TLK1: variants seen among roughly 807,000 people sequenced by gnomAD.
The protein encoded by TLK1 is tousled like kinase 1.
In TLK1, 24 loss-of-function variants were observed where a neutral mutation model predicts 105.3. That is an observed-to-expected ratio of 0.23 (90% CI 0.17 to 0.32). The LOEUF is 0.32. Among genes scored for constraint, TLK1 ranks in the 10% least tolerant of loss-of-function variants. The pLI, the probability that TLK1 is intolerant of heterozygous loss-of-function variation, is 1.00. For synonymous variants in TLK1, 321 were observed against 310.4 expected, an observed-to-expected ratio of 1.03 and a Z score of -0.36; for missense variants, 558 against 910.5, an observed-to-expected ratio of 0.61 and a Z score of 4.98.
intron 1 of TLK1, among the ~76,000 whole-genome samples, chr2:171,211,503 C>T (rs1693611750): frequency 6.6e-6 from 1 of 151,790 alleles, no homozygotes; most frequent in African/African-American, 2.4e-5. Flanking sequence ...CTATTTTGCA[C>T]AGACTACACT....
chr2:171,033,897 A>C (rs1358263631), intron 11 of TLK1, among the ~76,000 whole-genome samples: 1 of 151,074 alleles, frequency 6.6e-6, no homozygotes, highest in African/African-American at 2.4e-5. Flanking sequence ...TTTTTTAAAA[A>C]AAAAAAAAAA....
intron 12 of TLK1, among the ~76,000 whole-genome samples, chr2:171,026,891 C>CA: frequency 6.6e-6 from 1 of 152,132 alleles, no homozygotes; most frequent in South Asian, 2.1e-4. Context: ...AACTAAGTCT[C>CA]AAAGCGCAGG....
chr2:171,223,877 T>G (rs774233603), intron 1 of TLK1, among the ~76,000 whole-genome samples: 7 of 151,942 alleles, frequency 4.6e-5, no homozygotes, highest in Non-Finnish European at 1.0e-4. Context: ...AGATGGGTAG[T>G]TATATGTTTT....
chr2:171,099,167 G>T (rs1689583080), intron 2 of TLK1, among the ~76,000 whole-genome samples: 2 of 152,134 alleles, frequency 1.3e-5, no homozygotes. Context: ...CAGAAAGGTT[G>T]CAAGACACAA....
intron 1 of TLK1, among the ~76,000 whole-genome samples, chr2:171,217,870 G>A (rs939439430): frequency 6.6e-6 from 1 of 152,204 alleles, no homozygotes; most frequent in African/African-American, 2.4e-5. Flanking sequence ...AATATTTAAA[G>A]TTGTATGAAC....
intron 3 of TLK1, among the ~76,000 whole-genome samples, chr2:171,079,403 G>A (rs1688651086): frequency 6.6e-6 from 1 of 152,222 alleles, no homozygotes; most frequent in Non-Finnish European, 1.5e-5. Context: ...TCATGAGGCA[G>A]ACTGTCTAAA....
At chr2:171,161,301 ATGC>A (rs1575641509), upstream of TLK1, among the ~76,000 whole-genome samples, 1 of 151,848 alleles carries the variant, frequency 6.6e-6, no homozygotes, top group Admixed American at 6.6e-5. Context: ...ACGGGGAGAA[ATGC>A]TGCTGCTCTC....
intron 1 of TLK1, among the ~76,000 whole-genome samples, chr2:171,121,123 G>C (rs1436795584): frequency 1.3e-5 from 2 of 152,146 alleles, no homozygotes; most frequent in Non-Finnish European, 2.9e-5. Context: ...GAGGAAGACA[G>C]AAAATTTCTA....
Position 171,223,034 on chromosome 2 carries a change from C to T in TLK1, c.-6+8111G>A, listed in dbSNP as rs890421466. ...TTCACCATATTAGCCAGGCTCATTT[C>T]GAACTCCTGACCTCAAATGATCTGC... On this transcript the variant is annotated intron_variant, in intron 1 of 20. Transcript: ENST00000521943. Among the ~76,000 whole-genome samples, 9 of 151,988 alleles carry T rather than the reference C, an allele frequency of 5.9e-5. 1 individual carries two copies. The South Asian group carries it at 1.0e-3, about 18-fold the overall frequency.
chr2:171,152,128 CT>C (rs1005357163), intron 1 of TLK1, among the ~76,000 whole-genome samples: 1 of 152,076 alleles, frequency 6.6e-6, no homozygotes. Context: ...GAATTTAAAC[CT>C]AGTAGTTTAT....
At chr2:171,229,944 C>T (rs571301394) in intron 1 of TLK1, among the ~76,000 whole-genome samples, 1 of 152,276 alleles carries the variant, frequency 6.6e-6, no homozygotes, top group South Asian at 2.1e-4. Flanking sequence ...TTAGGTTCCA[C>T]CCATGTTTGT....
At chr2:171,190,688 T>C (rs1693129195) in intron 1 of TLK1, among the ~76,000 whole-genome samples, 1 of 152,218 alleles carries the variant, frequency 6.6e-6, no homozygotes, top group Non-Finnish European at 1.5e-5. Flanking sequence ...GTGAAATCTT[T>C]ATAAAGAGGC....
At chr2:171,198,346 C>T (rs543099168) in intron 1 of TLK1, among the ~76,000 whole-genome samples, 1 of 152,304 alleles carries the variant, frequency 6.6e-6, no homozygotes, top group East Asian at 1.9e-4. Flanking sequence ...AGCTTTTCTG[C>T]TCAGAGGCAT....
At chr2:171,028,447 A>G (rs1252555047) in intron 11 of TLK1, 42 bp from the exon 12 acceptor site, 1 of 1,315,686 alleles carries the variant, frequency 7.6e-7, no homozygotes, top group African/African-American at 1.5e-5. Flanking sequence ...TGAGATTAAT[A>G]CTTAGTTTAT....
chr2:171,006,099 C>A, intron 18 of TLK1, 48 bp downstream of exon 18: 3 of 1,446,628 alleles, frequency 2.1e-6, no homozygotes, highest in South Asian at 1.7e-5. Flanking sequence ...ATTATAAAAG[C>A]ACTGGGCACC....
intron 11 of TLK1, among the ~76,000 whole-genome samples, chr2:171,040,568 G>GTTTTTTTT (rs59971440): frequency 9.6e-6 from 1 of 104,306 alleles, no homozygotes. Flanking sequence ...TTCCTTTTTT[G>GTTTTTTTT]TTTTTTTTTT....
upstream of TLK1, among the ~76,000 whole-genome samples, chr2:171,165,832 A>ATT (rs1692598151): frequency 6.6e-6 from 1 of 151,962 alleles, no homozygotes; most frequent in Non-Finnish European, 1.5e-5. Flanking sequence ...AATTGCTTGA[A>ATT]CCCAGGAGGC....
rs192353209 is a variant in TLK1, at chr2:171,062,131, C to A, written c.331-975G>T. Among the ~76,000 whole-genome samples the A allele has an allele frequency of 1.4e-4, 21 of 152,292 alleles. 1 individual carries two copies. The South Asian group carries it at 1.5e-3, about 11-fold the overall frequency. On this transcript the variant is annotated intron_variant, in intron 3 of 20. Coordinates refer to ENST00000431350, the MANE Select transcript of TLK1 (RefSeq NM_012290.5). ...ATTTTTCTGGAGTTTGACAAACTTT[C>A]CTGCTTAGTCAAAAATTAAAACCAA...
At chr2:171,044,422 G>A (rs186567613) in intron 11 of TLK1, among the ~76,000 whole-genome samples, 3 of 152,296 alleles carry the variant, frequency 2.0e-5, no homozygotes, top group Non-Finnish European at 4.4e-5. Context: ...AAAGATAACA[G>A]TAAATACAAG....
Sources: allele counts gnomAD v4.1 joint callset (sites outside exome capture counted in the v4.1 genomes callset), GRCh38; gene constraint gnomAD v4.1.1; transcripts MANE v1.5; gene names NCBI Gene and HGNC (gene_info 2026-07-23, HGNC 2026-07-21).